Variants in ZDHHC21 observed in about 807,000 individuals in gnomAD.
The protein encoded by ZDHHC21 is zDHHC palmitoyltransferase 21.
Under a neutral mutation model 34.6 loss-of-function variants are expected in ZDHHC21, and 15 were observed. The ratio of observed to expected loss-of-function variants is 0.43; its 90% confidence interval spans 0.29 to 0.67. ZDHHC21 has a LOEUF of 0.67. Among genes scored for constraint, ZDHHC21 ranks in the 30% least tolerant of loss-of-function variants. The pLI is 0.14. For synonymous variants in ZDHHC21, 142 were observed against 101.8 expected (o/e 1.40, Z -2.38); for missense variants, 344 against 327.7 (o/e 1.05, Z -0.38).
downstream of ZDHHC21, among the ~76,000 whole-genome samples, chr9:14,610,685 T>C (rs1198764333): frequency 3.3e-5 from 5 of 151,972 alleles, no homozygotes; most frequent in Admixed American, 6.6e-5. Context: ...AAATAGTGCC[T>C]AGGTGTAAAC....
rs10756587 is a variant in ZDHHC21, at chr9:14,629,139, T to C, written c.622-9457A>G. 3.3e-5 allele frequency among the ~76,000 whole-genome samples: 5 copies of C among 152,146 alleles called. No homozygotes were observed. In the South Asian group the frequency reaches 1.0e-3, roughly 32 times the overall value. ...CTTTCTCTTTCTTAACAATTCTTTT[T>C]TGATTGTTTTACAGAGGTGTAATTG... On this transcript the variant is annotated intron_variant, in intron 8 of 9. Coordinates refer to ENST00000380916, the MANE Select transcript of ZDHHC21 (RefSeq NM_178566.6).
chr9:14,662,113 C>T, intron 6 of ZDHHC21, 102 bp downstream of exon 6: 1 of 690,490 alleles, frequency 1.4e-6, no homozygotes, highest in Non-Finnish European at 2.3e-6. Flanking sequence ...TATTGTAAAA[C>T]TATATAACTT....
the ZDHHC21 span, among the ~76,000 whole-genome samples, chr9:14,598,262 C>T: frequency 6.6e-6 from 1 of 152,124 alleles, no homozygotes; most frequent in Non-Finnish European, 1.5e-5. Flanking sequence ...CACCTGGTGT[C>T]CTCATCTCCA....
In ZDHHC21 at chr9:14,666,047, G is replaced by C. The variant is rs1834372659; in HGVS notation, c.254-3721C>G. On this transcript the variant is annotated intron_variant, in intron 5 of 9. Transcript: ENST00000380916. ...CTAAATTCTCCAATTAAAAGACACA[G>C]ACTGGCAAATTGGATAAAGAGTCAA... is the stretch of plus-strand genomic sequence containing the variant. 1.8e-4 allele frequency among the ~76,000 whole-genome samples: 27 copies of C among 150,164 alleles called. No individual in the cohort carries two copies. The South Asian group carries it at 5.6e-3, about 31-fold the overall frequency.
chr9:14,602,928 CAAAAAAAAAAAAAAAA>C, the ZDHHC21 span, among the ~76,000 whole-genome samples: 2 of 88,060 alleles, frequency 2.3e-5, no homozygotes, highest in Non-Finnish European at 4.1e-5. Context: ...GACTTCATCT[CAAAAAAAAAAAAAAAA>C]AAAAAAAAAA....
At chr9:14,632,211 A>G (rs1457449127) in intron 8 of ZDHHC21, among the ~76,000 whole-genome samples, 1 of 152,194 alleles carries the variant, frequency 6.6e-6, no homozygotes, top group East Asian at 1.9e-4. Flanking sequence ...AAGCAACAGT[A>G]ATTAAGAAAG....
At chr9:14,690,750 C>T (rs1839040397) in intron 1 of ZDHHC21, among the ~76,000 whole-genome samples, 1 of 152,146 alleles carries the variant, frequency 6.6e-6, no homozygotes, top group Non-Finnish European at 1.5e-5. Context: ...ATTCACATGT[C>T]TATGAAAATG....
At chr9:14,608,064 A>G (rs928138078), downstream of ZDHHC21, among the ~76,000 whole-genome samples, 2 of 152,204 alleles carry the variant, frequency 1.3e-5, no homozygotes, top group Admixed American at 6.5e-5. Context: ...TTACAAGTGC[A>G]GACCATCCAA....
chr9:14,620,804 C>T (rs1825174268), intron 8 of ZDHHC21, among the ~76,000 whole-genome samples: 1 of 151,948 alleles, frequency 6.6e-6, no homozygotes, highest in Non-Finnish European at 1.5e-5. Flanking sequence ...TAACTAATAA[C>T]CAACAACATA....
intron 5 of ZDHHC21, among the ~76,000 whole-genome samples, chr9:14,667,352 TAATC>T (rs1834645863): frequency 6.6e-6 from 1 of 151,374 alleles, no homozygotes; most frequent in African/African-American, 2.4e-5. Context: ...ATTGTGGCAA[TAATC>T]AATAGTTTAC....
intron 5 of ZDHHC21, among the ~76,000 whole-genome samples, chr9:14,666,394 A>G (rs1335636678): frequency 1.7e-5 from 2 of 119,948 alleles, no homozygotes; most frequent in Non-Finnish European, 3.7e-5. Flanking sequence ...CCACACATTA[A>G]TAATGGGAGA....
chr9:14,589,293 A>T, the ZDHHC21 span: 1 of 152,320 alleles, frequency 6.6e-6, no homozygotes, highest in South Asian at 2.1e-4. Flanking sequence ...AAAGAATTGG[A>T]GAAAATGTAT....
chr9:14,646,361 A>C (rs1215362170), intron 7 of ZDHHC21, among the ~76,000 whole-genome samples: 2 of 152,184 alleles, frequency 1.3e-5, no homozygotes, highest in Admixed American at 1.3e-4. Context: ...AAGGTACAAA[A>C]AGTTGTAACA....
intron 8 of ZDHHC21, among the ~76,000 whole-genome samples, chr9:14,629,339 A>T (rs955109509): frequency 3.3e-5 from 5 of 152,204 alleles, no homozygotes; most frequent in African/African-American, 1.2e-4. Flanking sequence ...GTTCAATACT[A>T]CAGAAAAAAA....
At chr9:14,607,533 G>T (rs867032789), downstream of ZDHHC21, among the ~76,000 whole-genome samples, 3 of 151,902 alleles carry the variant, frequency 2.0e-5, no homozygotes, top group South Asian at 6.2e-4. Flanking sequence ...ATGGCCAGTA[G>T]CTACTTTTGG....
intron 1 of ZDHHC21, among the ~76,000 whole-genome samples, chr9:14,690,694 T>C (rs1839032349): frequency 6.6e-6 from 1 of 152,196 alleles, no homozygotes; most frequent in Non-Finnish European, 1.5e-5. Flanking sequence ...AGTACCATCA[T>C]ACTAAGGTAT....
At chr9:14,594,649 C>G in the ZDHHC21 span, among the ~76,000 whole-genome samples, 1 of 152,098 alleles carries the variant, frequency 6.6e-6, no homozygotes, top group African/African-American at 2.4e-5. Context: ...AAGCAAAGAC[C>G]TCTTAGATAA....
intron 2 of ZDHHC21, 61 bp downstream of exon 2, chr9:14,690,276 G>C (rs1838975072): frequency 2.3e-6 from 1 of 443,106 alleles, no homozygotes; most frequent in Non-Finnish European, 4.5e-6. Context: ...CTTCACACCA[G>C]GCTTTACCAA....
intron 2 of ZDHHC21, among the ~76,000 whole-genome samples, chr9:14,686,932 T>C (rs1244538965): frequency 6.8e-6 from 1 of 147,394 alleles, no homozygotes; most frequent in Non-Finnish European, 1.5e-5. Flanking sequence ...GAGACTGTAC[T>C]ACAGCACTCC....
Sources: allele counts gnomAD v4.1 joint callset (sites outside exome capture counted in the v4.1 genomes callset), GRCh38; gene constraint gnomAD v4.1.1; transcripts MANE v1.5; gene names NCBI Gene and HGNC (gene_info 2026-07-23, HGNC 2026-07-21).